DAG1: variants seen among roughly 807,000 people sequenced by gnomAD.
DAG1 encodes dystroglycan 1, also known as dystroglycan 1 (dystrophin-associated glycoprotein 1).
A neutral mutation model predicts 46.1 loss-of-function variants in DAG1; 8 were observed. That is an observed-to-expected ratio of 0.17 (90% confidence interval 0.10 to 0.31). The LOEUF is 0.31. Ranked by LOEUF, DAG1 falls within the 10% of genes least tolerant of loss-of-function variation. The pLI, the probability that DAG1 is intolerant of heterozygous loss-of-function variation, is 1.00. For synonymous variants in DAG1, 495 were observed against 481.8 expected (o/e 1.03, Z -0.36); for missense variants, 1,003 against 1,189.9 (o/e 0.84, Z 2.31).
chr3:49,489,157 G>A (rs1442705450), intron 1 of DAG1, among the ~76,000 whole-genome samples: 4 of 151,456 alleles, frequency 2.6e-5, no homozygotes, highest in Non-Finnish European at 4.4e-5. Context: ...GTGCAATGGC[G>A]TGATCTTGGC....
chr3:49,509,035 A>G (rs2050690786), intron 1 of DAG1, among the ~76,000 whole-genome samples: 1 of 152,216 alleles, frequency 6.6e-6, no homozygotes, highest in African/African-American at 2.4e-5. Context: ...CATATCACCT[A>G]AGAAAAATAA....
At chr3:49,500,896 TGTATGA>T (rs1243607530) in intron 1 of DAG1, among the ~76,000 whole-genome samples, 2 of 152,036 alleles carry the variant, frequency 1.3e-5, no homozygotes, top group Non-Finnish European at 2.9e-5. Flanking sequence ...AATGACTGAG[TGTATGA>T]GTATGAGACT....
intron 1 of DAG1, among the ~76,000 whole-genome samples, chr3:49,497,158 C>T (rs1460083472): frequency 2.0e-5 from 3 of 151,082 alleles, no homozygotes; most frequent in Non-Finnish European, 4.4e-5. Flanking sequence ...AAAAAATGGC[C>T]GAGCATGATG....
At position 49,533,601 on chromosome 3, in the gene DAG1, A is replaced by G. The variant is rs1036351688; in HGVS notation, c.*402A>G. 1.1e-5 allele frequency: 4 copies of G among 372,996 alleles called. No individual in the cohort carries two copies. The highest frequency in any genetic ancestry group is 8.8e-5 in the South Asian group (4 of 45,456). 23.1% of individuals were successfully genotyped at this position (372,996 alleles called of 1,614,324 possible). On this transcript the variant is annotated 3_prime_UTR_variant, in exon 3 of 3. Coordinates refer to ENST00000308775, the MANE Select transcript of DAG1 (RefSeq NM_004393.6). ...TAACACTAACTGTACTGTTTTTTCT[A>G]TTCACGTGTGTCTAGCTGCAGGATG...
Position 49,533,008 on chromosome 3 carries a change from A to G in DAG1, c.2497A>G (p.Asn833Asp). 3 of 1,613,952 alleles carry G rather than the reference A, an allele frequency of 1.9e-6. No homozygotes were observed. The highest frequency in any genetic ancestry group is 2.5e-6 in the Non-Finnish European group (3 of 1,179,966). Residue 833 changes from asparagine (N) to aspartate (D), a missense_variant, in exon 3 of 3, where the codon AAC becomes GAC. Coordinates refer to ENST00000308775, the MANE Select transcript of DAG1 (RefSeq NM_004393.6). ...TCCCCTACCCCCTCCTGAGTACCCC[A>G]ACCAGAGTGTGCCCGAGACCACTCC... ...KAPLPPPEYP[N>D]QSVPETTPLN...
chr3:49,504,749 C>G (rs2050553028), intron 1 of DAG1, among the ~76,000 whole-genome samples: 1 of 146,850 alleles, frequency 6.8e-6, no homozygotes, highest in African/African-American at 2.5e-5. Flanking sequence ...CGCCCGCTAC[C>G]ACGCCCAGCT....
intron 1 of DAG1, among the ~76,000 whole-genome samples, chr3:49,473,803 T>C (rs2049596492): frequency 6.6e-6 from 1 of 151,400 alleles, no homozygotes; most frequent in South Asian, 2.1e-4. Context: ...AGCCTAATCT[T>C]GAACTCTTGA....
chr3:49,531,439 G>C lies in DAG1; in HGVS notation c.928G>C (p.Val310Leu). 6.2e-7 allele frequency: 1 copy of C among 1,613,736 alleles called. No homozygotes were observed. The highest frequency in any genetic ancestry group is 1.1e-5 in the South Asian group (1 of 91,060). ...TAAGAAGCCCCCTCTTCCCAAACGC[G>C]TCCGGAGGCAGATCCATGCTACACC... ...ANKKPPLPKR[V>L]RRQIHATPTP... is the part of the protein sequence containing the mutation. The change falls in exon 3 of 3, where the codon GTC becomes CTC. Residue 310 changes from valine (V) to leucine (L), a missense_variant. Transcript: ENST00000308775. This position sits in a 1 kb window ranked among gnomAD's most constrained non-coding sequence, Gnocchi z 7.0.
chr3:49,475,155 A>G (rs9853683), intron 1 of DAG1, among the ~76,000 whole-genome samples: 42,861 of 148,586 alleles, frequency 0.29, 6,606 homozygotes, highest in Middle Eastern at 0.32. Flanking sequence ...CCCAGATTCG[A>G]GTGCAATGGT....
intron 1 of DAG1, among the ~76,000 whole-genome samples, chr3:49,476,186 T>C (rs2049678879): frequency 6.6e-6 from 1 of 152,208 alleles, no homozygotes; most frequent in Non-Finnish European, 1.5e-5. Context: ...TTAATTTATA[T>C]TTATGTTTTA....
intron 1 of DAG1, among the ~76,000 whole-genome samples, chr3:49,502,783 C>T (rs62261198): frequency 5.9e-5 from 9 of 151,866 alleles, no homozygotes; most frequent in Non-Finnish European, 8.8e-5. Flanking sequence ...GGACTACAGG[C>T]GCCCGCCACC....
At position 49,532,339 on chromosome 3, in the gene DAG1, G is replaced by T; in HGVS notation, c.1828G>T (p.Ala610Ser). 2 of 1,614,142 alleles carry T rather than the reference G, an allele frequency of 1.2e-6. No individual in the cohort carries two copies. Among genetic ancestry groups the T allele is most frequent in the Non-Finnish European group, 1.7e-6 (2 of 1,180,038 alleles). The change falls in exon 3 of 3, where the codon GCC (alanine) becomes TCC (serine). Residue 610 changes from alanine (A) to serine (S), a missense_variant. This residue lies in a region of DAG1 where 755 missense variants were observed against 854.1 expected (regional missense o/e 0.88). Coordinates refer to ENST00000308775, the MANE Select transcript of DAG1 (RefSeq NM_004393.6). The surrounding 1 kb of genome is among the most constrained non-coding windows in gnomAD (Gnocchi z 5.4). ...GGATAGGGCTCCTGCAAGGTTCAAG[G>T]CCAAGTTTGTGGGTGACCCGGCACT... ...QGDRAPARFK[A>S]KFVGDPALVL...
At chr3:49,476,099 G>A (rs529420119) in intron 1 of DAG1, among the ~76,000 whole-genome samples, 75 of 152,230 alleles carry the variant, frequency 4.9e-4, no homozygotes, top group African/African-American at 1.7e-3. Flanking sequence ...TAAACTGAGG[G>A]TGTCAAAGTT....
At chr3:49,510,274 T>C in intron 1 of DAG1, 145 bp from the exon 2 acceptor site, 2 of 574,856 alleles carry the variant, frequency 3.5e-6, no homozygotes, top group South Asian at 2.3e-5. Flanking sequence ...TGCACGAAAC[T>C]GTTGGTTTCT....
At chr3:49,481,040 C>T (rs1320960316) in intron 1 of DAG1, among the ~76,000 whole-genome samples, 1 of 145,802 alleles carries the variant, frequency 6.9e-6, no homozygotes, top group African/African-American at 2.5e-5. Context: ...GGATTACAGG[C>T]GTGAGCCACC....
At chr3:49,472,161 A>G (rs2049538757) in intron 1 of DAG1, among the ~76,000 whole-genome samples, 1 of 152,080 alleles carries the variant, frequency 6.6e-6, no homozygotes, top group Non-Finnish European at 1.5e-5. Context: ...GTGTTTAGAA[A>G]GATATTGCTG....
intron 1 of DAG1, chr3:49,510,085 A>G: frequency 3.8e-6 from 1 of 260,332 alleles, no homozygotes. Context: ...TTTACTTAAT[A>G]TATTTTATTG....
At chr3:49,469,462 AC>A (rs1157256918), upstream of DAG1, among the ~76,000 whole-genome samples, 2 of 151,730 alleles carry the variant, frequency 1.3e-5, no homozygotes, top group Non-Finnish European at 2.9e-5. Context: ...CCAGGCAGCA[AC>A]CCCCCTCTCT....
chr3:49,486,384 A>G (rs1018792375), intron 1 of DAG1, among the ~76,000 whole-genome samples: 3 of 150,654 alleles, frequency 2.0e-5, no homozygotes, highest in African/African-American at 7.3e-5. Context: ...ACGCCCGGCT[A>G]ATTTTTTGTA....
Sources: allele counts gnomAD v4.1 joint callset (sites outside exome capture counted in the v4.1 genomes callset), GRCh38; gene constraint gnomAD v4.1.1; regional missense constraint gnomAD v4.1.1; non-coding constraint Gnocchi (gnomAD v3.1); transcripts MANE v1.5; gene names NCBI Gene and HGNC (gene_info 2026-07-23, HGNC 2026-07-21).